Variants in THSD7B observed in about 807,000 individuals in gnomAD.
THSD7B encodes the protein thrombospondin type-1 domain-containing protein 7B.
Under a neutral mutation model 213.6 loss-of-function variants are expected in THSD7B, and 138 were observed. That is an observed-to-expected ratio of 0.65 (90% CI 0.56 to 0.74). The LOEUF (loss-of-function observed/expected upper bound fraction) is 0.74, where lower values mean the gene tolerates loss of function less well. THSD7B is among the 30% of genes least tolerant of loss of function. The pLI, the probability that THSD7B is intolerant of heterozygous loss-of-function variation, is 0.00. For synonymous variants in THSD7B, 742 were observed against 687.0 expected (o/e 1.08, Z -1.25); for missense variants, 1,931 against 1,991.5 (o/e 0.97, Z 0.58).
intron 20 of THSD7B, among the ~76,000 whole-genome samples, chr2:137,623,071 A>C (rs971106891): frequency 6.6e-6 from 1 of 152,200 alleles, no homozygotes; most frequent in Non-Finnish European, 1.5e-5. Flanking sequence ...TCGATGCAAA[A>C]ATCCTCAATA....
At chr2:137,591,271 A>G (rs888708998) in intron 17 of THSD7B, among the ~76,000 whole-genome samples, 2 of 151,978 alleles carry the variant, frequency 1.3e-5, no homozygotes, top group African/African-American at 4.8e-5. Flanking sequence ...TATATTTACT[A>G]TCTTTTGTAG....
At chr2:137,094,141 C>T (rs886669528) in intron 3 of THSD7B, among the ~76,000 whole-genome samples, 1 of 152,192 alleles carries the variant, frequency 6.6e-6, no homozygotes, top group Non-Finnish European at 1.5e-5. Flanking sequence ...ATTTCTTTAT[C>T]TATCTACAAA....
intron 15 of THSD7B, among the ~76,000 whole-genome samples, chr2:137,560,137 A>G (rs568835168): frequency 6.7e-6 from 1 of 149,966 alleles, no homozygotes; most frequent in East Asian, 1.9e-4. Flanking sequence ...TTCAACCATT[A>G]TGGAAGACTG....
intron 17 of THSD7B, among the ~76,000 whole-genome samples, chr2:137,575,742 A>ATATATATATATTTTTTTTTT (rs1235744133): frequency 2.0e-5 from 3 of 147,328 alleles, no homozygotes; most frequent in African/African-American, 7.3e-5. Flanking sequence ...ATATATATAT[A>ATATATATATATTTTTTTTTT]TTTTTACTTT....
intron 1 of THSD7B, among the ~76,000 whole-genome samples, chr2:136,855,883 A>G (rs1232512680): frequency 6.6e-6 from 1 of 151,838 alleles, no homozygotes; most frequent in Non-Finnish European, 1.5e-5. Context: ...GGCCTTTGCA[A>G]ACTCTTTCCT....
At chr2:136,766,296 A>T (rs1681389755) in intron 1 of THSD7B, among the ~76,000 whole-genome samples, 1 of 152,098 alleles carries the variant, frequency 6.6e-6, no homozygotes, top group Non-Finnish European at 1.5e-5. Flanking sequence ...AGGCTGTAGC[A>T]ACAGTTTACA....
chr2:137,321,613 T>C (rs1207235019), intron 12 of THSD7B, among the ~76,000 whole-genome samples: 1 of 152,190 alleles, frequency 6.6e-6, no homozygotes, highest in Non-Finnish European at 1.5e-5. Context: ...ATAGGCACTT[T>C]AGGAATGAGG....
chr2:137,488,630 C>T (rs144690238), intron 15 of THSD7B, among the ~76,000 whole-genome samples: 3 of 152,298 alleles, frequency 2.0e-5, no homozygotes, highest in East Asian at 3.9e-4. Context: ...CTTCCTTCCA[C>T]GTGTGCATGC....
At chr2:136,959,096 C>T (rs1685176692) in intron 2 of THSD7B, among the ~76,000 whole-genome samples, 1 of 152,156 alleles carries the variant, frequency 6.6e-6, no homozygotes, top group South Asian at 2.1e-4. Context: ...GTATCGCAGA[C>T]AAAGTCCCAA....
intron 15 of THSD7B, among the ~76,000 whole-genome samples, chr2:137,508,861 G>T (rs1679898969): frequency 6.6e-6 from 1 of 151,986 alleles, no homozygotes; most frequent in Non-Finnish European, 1.5e-5. Context: ...GGTCAGAGGA[G>T]AGACCTGAGC....
chr2:137,177,541 A>G (rs535656649), intron 7 of THSD7B, among the ~76,000 whole-genome samples: 12 of 152,282 alleles, frequency 7.9e-5, no homozygotes, highest in Admixed American at 3.3e-4. Context: ...TTGTAAAAAC[A>G]CATGTTTCCA....
At chr2:137,460,982 C>T (rs936155270) in intron 15 of THSD7B, among the ~76,000 whole-genome samples, 79 of 152,062 alleles carry the variant, frequency 5.2e-4, no homozygotes, top group African/African-American at 1.6e-3. Flanking sequence ...TACTCTTTCA[C>T]GTCTACCTTT....
In THSD7B at chr2:137,600,970, A is replaced by T. The variant is rs181489510; in HGVS notation, c.3424-15205A>T. ...TGTATTTATATCTTAGTTTTCAGCA[A>T]CAAAAAAAGTTTAAATAGGAAAAAA... is the stretch of plus-strand genomic sequence containing the variant. On this transcript the variant is annotated intron_variant, in intron 17 of 27. Transcript: ENST00000409968. 3.7e-3 allele frequency among the ~76,000 whole-genome samples: 566 copies of T among 152,298 alleles called. 2 individuals are homozygous for T. The highest frequency in any genetic ancestry group is 0.013 in the African/African-American group (541 of 41,554).
chr2:137,386,265 T>G (rs910098119), intron 12 of THSD7B, among the ~76,000 whole-genome samples: 1 of 152,134 alleles, frequency 6.6e-6, no homozygotes, highest in African/African-American at 2.4e-5. Context: ...GCCCCCTGAG[T>G]GTAGTGAAAT....
intron 1 of THSD7B, among the ~76,000 whole-genome samples, chr2:136,876,599 T>A (rs1683529399): frequency 1.3e-5 from 2 of 152,250 alleles, no homozygotes. Context: ...CATGATATAA[T>A]TTCCAGTCCA....
chr2:137,550,271 T>G (rs1680820382), intron 15 of THSD7B, among the ~76,000 whole-genome samples: 1 of 152,072 alleles, frequency 6.6e-6, no homozygotes, highest in Non-Finnish European at 1.5e-5. Flanking sequence ...CTCAAATTTG[T>G]CTGTACATGT....
In THSD7B at chr2:137,203,680, A is replaced by G. The variant is rs114817156; in HGVS notation, c.1724-27364A>G. On this transcript the variant is annotated intron_variant, in intron 7 of 27. Transcript: ENST00000409968. ...TGAGATAGTTATAGTGACATTGGGG[A>G]CTTCAAAACATCAATAAGGAATGAA... is the stretch of plus-strand genomic sequence containing the variant. Among the ~76,000 whole-genome samples, 396 of 152,148 alleles carry G rather than the reference A, an allele frequency of 2.6e-3. 3 individuals are homozygous for G. Among genetic ancestry groups the G allele is most frequent in the African/African-American group, 8.2e-3 (340 of 41,536 alleles).
intron 15 of THSD7B, among the ~76,000 whole-genome samples, chr2:137,507,832 G>A (rs923073583): frequency 2.6e-5 from 4 of 151,302 alleles, no homozygotes; most frequent in Non-Finnish European, 4.4e-5. Context: ...TATGTGTGGC[G>A]AAATTGATTA....
rs1215185747 is a variant in THSD7B at position 137,590,792 on chromosome 2, G to GTTTTTTTTTTTTTTTTTTTTTT, written c.3423+18257_3423+18258insTTTTTTTTTTTTTTTTTTTTTT. Among the ~76,000 whole-genome samples, 49 of 88,698 alleles carry GTTTTTTTTTTTTTTTTTTTTTT rather than the reference G, an allele frequency of 5.5e-4. 7 individuals carry two copies. The highest frequency in any genetic ancestry group is 1.0e-3 in the East Asian group (3 of 2,892). 58.2% of individuals were successfully genotyped at this position (88,698 alleles called of 152,430 possible). A position where few individuals can be genotyped will look rare whatever the true frequency, so the allele number is the denominator to read the frequency against. On this transcript the variant is annotated intron_variant, in intron 17 of 27. Coordinates refer to ENST00000409968, the MANE Select transcript of THSD7B (RefSeq NM_001316349.2). The stretch of plus-strand genomic sequence containing the variant: ...GCATTTTTCCCTCTGCTTTGAAATA[G>GTTTTTTTTTTTTTTTTTTTTTT]TTTTTTTTTTTTTTTTTTTTTAGCT...
Sources: gnomAD v4.1 joint callset for allele counts (sites outside exome capture counted in the v4.1 genomes callset) on GRCh38, gnomAD v4.1.1 for gene constraint, MANE v1.5 for transcripts, NCBI Gene and HGNC (gene_info 2026-07-23, HGNC 2026-07-21) for gene names.